The following TMEM120B variants were observed in gnomAD, a reference collection of about 807,000 sequenced individuals.
TMEM120B encodes the protein transmembrane protein 120B.
TMEM120B carries 31 observed loss-of-function variants against 55.5 expected under a neutral mutation model. The ratio of observed to expected loss-of-function variants is 0.56; its 90% CI spans 0.42 to 0.75. The LOEUF (loss-of-function observed/expected upper bound fraction) is 0.75. Among genes scored for constraint, TMEM120B ranks in the 30% least tolerant of loss-of-function variants. The pLI is 0.00. For synonymous variants in TMEM120B, 203 were observed against 176.3 expected, an observed-to-expected ratio of 1.15 and a Z score of -1.20; for missense variants, 399 against 425.5, an observed-to-expected ratio of 0.94 and a Z score of 0.55.
intron 4 of TMEM120B, among the ~76,000 whole-genome samples, chr12:121,751,443 C>T (rs1291533942): frequency 6.8e-6 from 1 of 147,878 alleles, no homozygotes; most frequent in Non-Finnish European, 1.5e-5. Flanking sequence ...ACCCACACCC[C>T]GTCTCACGCT....
chr12:121,762,508 A>G (rs184347399), intron 6 of TMEM120B, among the ~76,000 whole-genome samples: 1 of 152,160 alleles, frequency 6.6e-6, no homozygotes, highest in East Asian at 1.9e-4. Context: ...AGAATGGATC[A>G]TGTACCTATC....
In TMEM120B at chr12:121,779,427, C is replaced by G; in HGVS notation, c.*3705C>G. 6.5e-7 allele frequency: 1 copy of G among 1,544,524 alleles called. No homozygotes were observed. Among genetic ancestry groups the G allele is most frequent in the East Asian group, 2.3e-5 (1 of 44,326 alleles). On this transcript the variant is annotated 3_prime_UTR_variant, in exon 12 of 12. Transcript: ENST00000449592. The stretch of plus-strand genomic sequence containing the variant: ...GAGCTGGAGGGTCGGGATGGGGCAG[C>G]CTCCCTGGTGCAATCGGCACCTGGG...
At chr12:121,755,939 C>G (rs961062393) in intron 5 of TMEM120B, among the ~76,000 whole-genome samples, 19 of 152,084 alleles carry the variant, frequency 1.2e-4, no homozygotes, top group Non-Finnish European at 2.1e-4. Context: ...TGATAAAGCC[C>G]CCCAGGAACA....
chr12:121,724,271 G>A (rs576531742), intron 1 of TMEM120B, among the ~76,000 whole-genome samples: 8 of 152,038 alleles, frequency 5.3e-5, no homozygotes, highest in Non-Finnish European at 8.8e-5. Flanking sequence ...TCCTGACTTC[G>A]TGATCCGCCC....
In TMEM120B at chr12:121,781,926, CG is replaced by C. The variant is rs1390487860; in HGVS notation, c.*6205del. On this transcript the variant is annotated 3_prime_UTR_variant, in exon 12 of 12. Coordinates refer to ENST00000449592, the MANE Select transcript of TMEM120B (RefSeq NM_001080825.2). Reference sequence around the variant, plus strand: ...GAGGCCGTGACGCCTGGCTCCGCCCCGAGACGAGCTGAATCCAAATACGGAT... The same window carrying C: ...GAGGCCGTGACGCCTGGCTCCGCCCCAGACGAGCTGAATCCAAATACGGAT... The C allele has an allele frequency of 6.6e-6, 1 of 152,222 alleles. No homozygotes were observed. Among genetic ancestry groups the C allele is most frequent in the Non-Finnish European group, 1.5e-5 (1 of 68,046 alleles). The allele number at this position is 152,222 out of a possible 1,614,324, so 9.4% of individuals were successfully genotyped here. A position where few individuals can be genotyped will look rare whatever the true frequency, so the allele number is the denominator to read the frequency against.
chr12:121,730,404 T>C (rs1304468127), intron 1 of TMEM120B, among the ~76,000 whole-genome samples: 2 of 151,040 alleles, frequency 1.3e-5, no homozygotes, highest in Admixed American at 6.6e-5. Flanking sequence ...CTCAGCACTT[T>C]AGGAGGCAGA....
intron 1 of TMEM120B, among the ~76,000 whole-genome samples, chr12:121,740,690 G>T (rs2137111843): frequency 6.6e-6 from 1 of 152,248 alleles, no homozygotes; most frequent in South Asian, 2.1e-4. Flanking sequence ...AAGAAAATCT[G>T]TGTATAAGTG....
Position 121,775,613 on chromosome 12 carries a change from T to G in TMEM120B, c.911T>G (p.Phe304Cys), listed in dbSNP as rs952473885. The change falls in exon 12 of 12, where the codon TTC becomes TGC. Residue 304 changes from phenylalanine to cysteine, a missense_variant. By Grantham distance (205) the Phe-to-Cys change is radical. Transcript: ENST00000449592. The surrounding 1 kb of genome is among the most constrained non-coding windows in gnomAD (Gnocchi z 4.3). Reference protein sequence around the residue: ...SHEECREWQVFVLAFTFLILF... With the variant: ...SHEECREWQVCVLAFTFLILF... ...CTCCTCTCTGGACTCCCCCAGGTGT[T>G]CGTACTGGCGTTCACCTTCCTCATC... 2.5e-6 allele frequency: 4 copies of G among 1,613,420 alleles called. No homozygotes were observed. The African/African-American group carries it at 5.3e-5, about 22-fold the overall frequency.
Position 121,745,740 on chromosome 12 carries a change from AGT to A in TMEM120B, c.188+1995_188+1996del, listed in dbSNP as rs1288354136. Among the ~76,000 whole-genome samples the A allele has an allele frequency of 5.9e-5, 9 of 152,224 alleles. 1 individual carries two copies. In the Middle Eastern group the frequency reaches 0.014, roughly 232 times the overall value. On this transcript the variant is annotated intron_variant, in intron 2 of 11. Coordinates refer to ENST00000449592, the MANE Select transcript of TMEM120B (RefSeq NM_001080825.2). ...TGCTCTGTCACCCAGGCTGGAGTGC[AGT>A]GGCGCAATCACGGCTCACCACAGCC... is the stretch of plus-strand genomic sequence containing the variant.
chr12:121,735,487 G>A (rs1349761231), intron 1 of TMEM120B, among the ~76,000 whole-genome samples: 3 of 139,382 alleles, frequency 2.2e-5, no homozygotes, highest in Non-Finnish European at 4.6e-5. Context: ...CAACCTCCGC[G>A]TCCTGGGATC....
intron 1 of TMEM120B, among the ~76,000 whole-genome samples, chr12:121,720,105 G>A (rs1212183571): frequency 6.6e-6 from 1 of 152,128 alleles, no homozygotes; most frequent in African/African-American, 2.4e-5. Context: ...GGCACAGAGG[G>A]ATTACATAAC....
intron 1 of TMEM120B, among the ~76,000 whole-genome samples, chr12:121,715,301 C>T (rs1592920012): frequency 6.6e-6 from 1 of 152,098 alleles, no homozygotes; most frequent in Admixed American, 6.6e-5. Context: ...CCATTGCACT[C>T]CAGCCTGGGC....
chr12:121,755,244 C>T (rs1037569849), intron 5 of TMEM120B, among the ~76,000 whole-genome samples: 1 of 152,222 alleles, frequency 6.6e-6, no homozygotes, highest in Non-Finnish European at 1.5e-5. Flanking sequence ...TGGGCATGGC[C>T]AGCATCCTCT....
At chr12:121,713,057 C>A in intron 1 of TMEM120B, 93 bp downstream of exon 1, 2 of 1,131,536 alleles carry the variant, frequency 1.8e-6, no homozygotes, top group Non-Finnish European at 2.4e-6. Flanking sequence ...TGGGGACAGT[C>A]AGGGCCTAGG....
chr12:121,765,199 G>A (rs1430907682), intron 6 of TMEM120B, among the ~76,000 whole-genome samples: 3 of 145,184 alleles, frequency 2.1e-5, no homozygotes, highest in Admixed American at 7.0e-5. Context: ...GTGTGTTCTC[G>A]GCTCACTGCA....
chr12:121,733,930 A>G (rs1433754484), intron 1 of TMEM120B, among the ~76,000 whole-genome samples: 1 of 152,190 alleles, frequency 6.6e-6, no homozygotes, highest in Non-Finnish European at 1.5e-5. Flanking sequence ...TACTGTTAAT[A>G]TACTTTTAAA....
chr12:121,732,385 G>A (rs772417418), intron 1 of TMEM120B, among the ~76,000 whole-genome samples: 7 of 152,096 alleles, frequency 4.6e-5, no homozygotes, highest in Non-Finnish European at 8.8e-5. Flanking sequence ...AGGTGTGTGT[G>A]ACCTCCAGTG....
In TMEM120B at chr12:121,721,586, C is replaced by G. The variant is rs186114134; in HGVS notation, c.69+8622C>G. Reference sequence around the variant, plus strand: ...TTCTGGTTTCAAGCAATTCTTCTGCCTCAGTCTCCCGAGTAGCTGGGATTG... The same window carrying G: ...TTCTGGTTTCAAGCAATTCTTCTGCGTCAGTCTCCCGAGTAGCTGGGATTG... On this transcript the variant is annotated intron_variant, in intron 1 of 11. Coordinates refer to ENST00000449592, the MANE Select transcript of TMEM120B (RefSeq NM_001080825.2). 3.0e-4 allele frequency among the ~76,000 whole-genome samples: 45 copies of G among 151,848 alleles called. 1 individual carries two copies. The East Asian group carries it at 7.6e-3, about 26-fold the overall frequency.
rs752998143 is a variant in TMEM120B at position 121,775,122 on chromosome 12, G to T, written c.898G>T (p.Glu300Ter). 3 of 1,334,708 alleles carry T rather than the reference G, an allele frequency of 2.2e-6. No individual in the cohort carries two copies. The highest frequency in any genetic ancestry group is 3.0e-6 in the Non-Finnish European group (3 of 993,658). 82.7% of individuals were successfully genotyped at this position (1,334,708 alleles called of 1,614,324 possible). Residue 300 changes from glutamate (E) to a stop codon, truncating the protein, a stop_gained, in exon 11 of 12, where the codon GAA (glutamate) becomes TAA (stop). Transcript: ENST00000449592. LOFTEE classifies it high-confidence loss of function. The surrounding 1 kb of genome is among the most constrained non-coding windows in gnomAD (Gnocchi z 4.3). The stretch of plus-strand genomic sequence containing the variant: ...GCTCTCCAGCCACGAGGAATGCAGA[G>T]AATGGCAGGTATGGGGGGTGGGGGC... ...FELSSHEECR[E>*]WQVFVLAFTF...
Sources: allele counts gnomAD v4.1 joint callset (sites outside exome capture counted in the v4.1 genomes callset), GRCh38; gene constraint gnomAD v4.1.1; non-coding constraint Gnocchi (gnomAD v3.1); transcripts MANE v1.5; gene names NCBI Gene and HGNC (gene_info 2026-07-23, HGNC 2026-07-21).